Variants in KCTD16 observed in about 807,000 individuals in gnomAD.
The protein encoded by KCTD16 is potassium channel tetramerization domain containing 16.
KCTD16 carries 13 observed loss-of-function variants against 33.2 expected under a neutral mutation model. That is an observed-to-expected ratio of 0.39 (90% CI 0.25 to 0.62). KCTD16 has a LOEUF of 0.62. Among genes scored for constraint, KCTD16 ranks in the 20% least tolerant of loss-of-function variants. The pLI is 0.50. For missense variants in KCTD16, 441 were observed against 525.1 expected, an observed-to-expected ratio of 0.84 and a Z score of 1.57; for synonymous variants, 197 against 195.3, an observed-to-expected ratio of 1.01 and a Z score of -0.07.
At chr5:144,256,617 G>GT (rs796627421) in intron 3 of KCTD16, among the ~76,000 whole-genome samples, 4,088 of 93,766 alleles carry the variant, frequency 0.044, 175 homozygotes, top group African/African-American at 0.11. Flanking sequence ...AGTTTTTTTT[G>GT]TTTTTTTTTT....
chr5:144,396,729 A>G (rs1367734455), intron 3 of KCTD16, among the ~76,000 whole-genome samples: 2 of 151,990 alleles, frequency 1.3e-5, no homozygotes, highest in African/African-American at 4.8e-5. Flanking sequence ...ACACCCAAGA[A>G]TTGCTCTGTT....
intron 3 of KCTD16, among the ~76,000 whole-genome samples, chr5:144,389,913 T>C (rs966917149): frequency 6.6e-6 from 1 of 152,230 alleles, no homozygotes; most frequent in Non-Finnish European, 1.5e-5. Context: ...TTTCTCTTTC[T>C]TCTGAAGGTC....
At chr5:144,436,838 G>A (rs558912700) in intron 3 of KCTD16, among the ~76,000 whole-genome samples, 4 of 151,908 alleles carry the variant, frequency 2.6e-5, no homozygotes, top group South Asian at 4.2e-4. Flanking sequence ...CTCCCACCTC[G>A]GCCTCCCAAA....
At chr5:144,283,101 A>G (rs1182841727) in intron 3 of KCTD16, among the ~76,000 whole-genome samples, 2 of 151,994 alleles carry the variant, frequency 1.3e-5, no homozygotes, top group Non-Finnish European at 1.5e-5. Context: ...CACAACATGC[A>G]GGTTTGTTAC....
At chr5:144,471,872 A>G (rs138348190) in intron 3 of KCTD16, among the ~76,000 whole-genome samples, 1 of 152,324 alleles carries the variant, frequency 6.6e-6, no homozygotes, top group African/African-American at 2.4e-5. Flanking sequence ...GACTTGAAAG[A>G]GTGGGTATAA....
At chr5:144,189,484 A>G (rs1752796793) in intron 2 of KCTD16, among the ~76,000 whole-genome samples, 1 of 141,142 alleles carries the variant, frequency 7.1e-6, no homozygotes, top group Admixed American at 7.4e-5. Flanking sequence ...TGACAGAGTG[A>G]GACTCCATCT....
At chr5:144,389,555 A>G (rs1285820249) in intron 3 of KCTD16, among the ~76,000 whole-genome samples, 2 of 152,040 alleles carry the variant, frequency 1.3e-5, no homozygotes, top group Non-Finnish European at 2.9e-5. Flanking sequence ...ATTCTACATT[A>G]TGGTGAGTTG....
chr5:144,214,671 G>A (rs771525210), intron 3 of KCTD16, among the ~76,000 whole-genome samples: 1 of 152,140 alleles, frequency 6.6e-6, no homozygotes, highest in Non-Finnish European at 1.5e-5. Flanking sequence ...GCTTTGGTTA[G>A]CTAAATGTTC....
intron 3 of KCTD16, among the ~76,000 whole-genome samples, chr5:144,252,127 A>G (rs1412800409): frequency 6.6e-6 from 1 of 152,168 alleles, no homozygotes; most frequent in Non-Finnish European, 1.5e-5. Context: ...TGGTGAGAAT[A>G]TTACAGATCT....
intron 3 of KCTD16, among the ~76,000 whole-genome samples, chr5:144,295,384 C>A (rs749708672): frequency 7.2e-5 from 11 of 152,132 alleles, no homozygotes; most frequent in Non-Finnish European, 1.6e-4. Flanking sequence ...AGAGTTTTCC[C>A]AGGAGAAACT....
intron 3 of KCTD16, among the ~76,000 whole-genome samples, chr5:144,216,212 G>A (rs1305427308): frequency 1.3e-5 from 2 of 152,186 alleles, no homozygotes; most frequent in East Asian, 1.9e-4. Flanking sequence ...GTATGTCACT[G>A]ACAATAGGAT....
chr5:144,437,998 T>G (rs1753617067), intron 3 of KCTD16, among the ~76,000 whole-genome samples: 1 of 152,218 alleles, frequency 6.6e-6, no homozygotes, highest in Non-Finnish European at 1.5e-5. Flanking sequence ...GACTTAGAAA[T>G]GTACTTTACA....
chr5:144,256,033 G>C (rs909125930), intron 3 of KCTD16, among the ~76,000 whole-genome samples: 2 of 152,182 alleles, frequency 1.3e-5, no homozygotes, highest in African/African-American at 2.4e-5. Flanking sequence ...TACCGTACCT[G>C]TGCTTGTTCT....
chr5:144,391,340 C>A, intron 3 of KCTD16, among the ~76,000 whole-genome samples: 1 of 152,172 alleles, frequency 6.6e-6, no homozygotes, highest in East Asian at 1.9e-4. Flanking sequence ...TAAAGCTGAA[C>A]CTTGATGAAG....
rs553167706 is a variant in KCTD16 at position 144,322,117 on chromosome 5, A to AT, written c.832+114579dup. Among the ~76,000 whole-genome samples, 18 of 152,092 alleles carry AT rather than the reference A, an allele frequency of 1.2e-4. No individual in the cohort carries two copies. In the South Asian group the frequency reaches 1.7e-3, roughly 14 times the overall value. The stretch of plus-strand genomic sequence containing the variant: ...GGGATAAGAATAATTCTAAAAGCAG[A>AT]TTTTTTTTATTGTCCTGAGTTTATG... On this transcript the variant is annotated intron_variant, in intron 3 of 3. Coordinates refer to ENST00000512467, the MANE Select transcript of KCTD16 (RefSeq NM_020768.4).
intron 3 of KCTD16, among the ~76,000 whole-genome samples, chr5:144,465,309 G>A (rs1242890086): frequency 6.6e-6 from 1 of 150,864 alleles, no homozygotes; most frequent in Non-Finnish European, 1.5e-5. Flanking sequence ...TATCTTCACT[G>A]TAATCAACAA....
intron 3 of KCTD16, among the ~76,000 whole-genome samples, chr5:144,233,448 C>T (rs1165840763): frequency 6.6e-6 from 1 of 152,094 alleles, no homozygotes; most frequent in African/African-American, 2.4e-5. Context: ...ACTGCCGGAG[C>T]TTTCTTCCTA....
At chr5:144,393,523 T>G (rs1024317573) in intron 3 of KCTD16, among the ~76,000 whole-genome samples, 2 of 152,146 alleles carry the variant, frequency 1.3e-5, no homozygotes, top group African/African-American at 4.8e-5. Flanking sequence ...ATATCTGTTC[T>G]TAGTTTTATG....
At chr5:144,420,900 G>C (rs149762149) in intron 3 of KCTD16, among the ~76,000 whole-genome samples, 1 of 152,160 alleles carries the variant, frequency 6.6e-6, no homozygotes. Flanking sequence ...CCCTCCGAAT[G>C]TGAATTTCAC....
Sources: allele counts gnomAD v4.1 joint callset (sites outside exome capture counted in the v4.1 genomes callset), GRCh38; gene constraint gnomAD v4.1.1; transcripts MANE v1.5; gene names NCBI Gene and HGNC (gene_info 2026-07-23, HGNC 2026-07-21).